The following KIF1B variants were observed in gnomAD, a reference collection of about 807,000 sequenced individuals.
KIF1B encodes the protein kinesin family member 1B, also known as kinesin-like protein KIF1B.
A neutral mutation model predicts 241.9 loss-of-function variants in KIF1B; 76 were observed. That is an observed-to-expected ratio of 0.31 (90% CI 0.26 to 0.38). The LOEUF (loss-of-function observed/expected upper bound fraction) is 0.38, where lower values mean the gene tolerates loss of function less well. KIF1B is among the 10% of genes least tolerant of loss of function. The pLI, the probability that KIF1B is intolerant of heterozygous loss-of-function variation, is 1.00. For missense variants in KIF1B, 1,622 were observed against 2,271.4 expected, an observed-to-expected ratio of 0.71 and a Z score of 5.81; for synonymous variants, 750 against 796.7, an observed-to-expected ratio of 0.94 and a Z score of 0.99.
intron 27 of KIF1B, among the ~76,000 whole-genome samples, chr1:10,328,641 A>G (rs768428213): frequency 2.1e-4 from 32 of 152,358 alleles, no homozygotes; most frequent in Non-Finnish European, 1.0e-4. Flanking sequence ...TTCTGGCCAT[A>G]AACTTTGTCC....
At chr1:10,264,159 A>G (rs1265299703) in intron 5 of KIF1B, among the ~76,000 whole-genome samples, 1 of 152,066 alleles carries the variant, frequency 6.6e-6, no homozygotes, top group African/African-American at 2.4e-5. Context: ...CATCATACTC[A>G]TCATGTTCTA....
intron 2 of KIF1B, among the ~76,000 whole-genome samples, chr1:10,250,091 A>C (rs1438661753): frequency 6.6e-6 from 1 of 152,168 alleles, no homozygotes; most frequent in African/African-American, 2.4e-5. Flanking sequence ...GATTACAGGC[A>C]TGAGCCACTG....
chr1:10,320,082 G>A lies in KIF1B; in HGVS notation c.2155G>A (p.Glu719Lys). 1.2e-6 allele frequency: 2 copies of A among 1,613,892 alleles called. No homozygotes were observed. Among genetic ancestry groups the A allele is most frequent in the Non-Finnish European group, 1.7e-6 (2 of 1,179,862 alleles). ...SKLQALQKQV[E>K]TRSLAAETTE... ...ATTGCAGGCCTTGCAGAAGCAGGTT[G>A]AAACCCGATCTCTGGCTGCAGAAAC... Residue 719 changes from glutamate (E) to lysine (K), a missense_variant, in exon 23 of 49, where the codon GAA becomes AAA. By Grantham distance (56) the Glu-to-Lys change is moderately conservative (BLOSUM62 1). Around this residue, in one of 7 missense-constraint regions of KIF1B, gnomAD observed 803 missense variants for 1,112.0 expected, o/e 0.72. Coordinates refer to ENST00000676179, the MANE Select transcript of KIF1B (RefSeq NM_001365951.3).
chr1:10,296,863 T>A lies in KIF1B; in HGVS notation c.1862-34T>A, dbSNP rs112743061. ...AATAGATACTATATATTAAAAAAAT[T>A]ATTTCTTAACCCTATTTTTCTGTTT... On this transcript the variant is annotated intron_variant, in intron 20 of 48. Coordinates refer to ENST00000676179, the MANE Select transcript of KIF1B (RefSeq NM_001365951.3). 1.1e-5 allele frequency: 18 copies of A among 1,591,090 alleles called. No homozygotes were observed. In the East Asian group the frequency reaches 3.8e-4, roughly 34 times the overall value.
Position 10,303,249 on chromosome 1 carries a change from A to G in KIF1B, c.2115+6003A>G. On this transcript the variant is annotated intron_variant, in intron 22 of 48. Transcript: ENST00000676179. This position sits in a 1 kb window ranked among gnomAD's most constrained non-coding sequence, Gnocchi z 5.2. ...TGATTACTTCTCTGAGAGAAAAGCTACCTCCCAGCAAGTTGCAAACCATTG... is the reference window on the plus strand; with the variant it reads ...TGATTACTTCTCTGAGAGAAAAGCTGCCTCCCAGCAAGTTGCAAACCATTG... 1 of 1,614,084 alleles carries G rather than the reference A, an allele frequency of 6.2e-7. No individual in the cohort carries two copies. The highest frequency in any genetic ancestry group is 1.1e-5 in the South Asian group (1 of 91,084).
intron 1 of KIF1B, among the ~76,000 whole-genome samples, chr1:10,230,097 C>T (rs891877103): frequency 1.5e-4 from 23 of 152,082 alleles, no homozygotes; most frequent in African/African-American, 5.3e-4. Context: ...ATCACTTGAG[C>T]CCAGGAGTTC....
At chr1:10,344,756 A>G (rs2102325498) in intron 34 of KIF1B, 1 of 152,344 alleles carries the variant, frequency 6.6e-6, no homozygotes, top group African/African-American at 2.4e-5. Context: ...TCCTTTATGT[A>G]CATTATGTTA....
In KIF1B at chr1:10,276,395, C is replaced by T. The variant is rs1345954813; in HGVS notation, c.1033C>T (p.Leu345=). ...CAACTACGATGAGACTTTGAGCACT[C>T]TGAGGTACTTTCTTTTGATCTCAGT... ...DINYDETLST[L]RYADRAKQIK... Residue 345 remains leucine (L), a synonymous_variant, in exon 12 of 49, where the codon CTG becomes TTG. Coordinates refer to ENST00000676179, the MANE Select transcript of KIF1B (RefSeq NM_001365951.3). 3 of 1,612,142 alleles carry T rather than the reference C, an allele frequency of 1.9e-6. No individual in the cohort carries two copies. In the African/African-American group the frequency reaches 4.0e-5, roughly 22 times the overall value.
chr1:10,374,795 C>T lies in KIF1B; in HGVS notation c.5097-59C>T, dbSNP rs1007315181. On this transcript the variant is annotated intron_variant, in intron 46 of 48. Transcript: ENST00000676179. The surrounding 1 kb of genome is among the most constrained non-coding windows in gnomAD (Gnocchi z 4.3). Reference sequence around the variant, plus strand: ...CTAAGTGTGGCGTATTTTGATGGTCCTCAGCACGATTATTTTCTTTTTGTG... The same window carrying T: ...CTAAGTGTGGCGTATTTTGATGGTCTTCAGCACGATTATTTTCTTTTTGTG... 2.4e-5 allele frequency: 36 copies of T among 1,528,766 alleles called. 1 individual carries two copies. The highest frequency in any genetic ancestry group is 1.9e-4 in the South Asian group (17 of 88,638). 94.7% of individuals were successfully genotyped at this position (1,528,766 alleles called of 1,614,324 possible).
At chr1:10,336,863 T>C (rs1652199590) in intron 29 of KIF1B, 121 bp downstream of exon 29, 6 of 1,096,462 alleles carry the variant, frequency 5.5e-6, no homozygotes, top group Non-Finnish European at 8.3e-6. Flanking sequence ...AGTAGTTCAA[T>C]AGAATATGGG....
At chr1:10,224,752 T>A (rs1646889331) in intron 1 of KIF1B, among the ~76,000 whole-genome samples, 1 of 152,162 alleles carries the variant, frequency 6.6e-6, no homozygotes, top group South Asian at 2.1e-4. Context: ...TTAATGCTGT[T>A]TAAATGTTAG....
chr1:10,329,983 C>T (rs1191958236), intron 27 of KIF1B, among the ~76,000 whole-genome samples: 1 of 152,184 alleles, frequency 6.6e-6, no homozygotes, highest in Non-Finnish European at 1.5e-5. Flanking sequence ...AGTACCTTAA[C>T]TGACATTCTT....
intron 14 of KIF1B, among the ~76,000 whole-genome samples, chr1:10,279,359 T>C (rs1649287848): frequency 6.6e-6 from 1 of 152,216 alleles, no homozygotes; most frequent in African/African-American, 2.4e-5. Flanking sequence ...TTGAAAGGCT[T>C]AAGAATCTCT....
chr1:10,292,332 C>G, intron 17 of KIF1B: 1 of 541,686 alleles, frequency 1.8e-6, no homozygotes. Context: ...TTACTGTTTA[C>G]AAAAGAAAAA....
chr1:10,332,103 C>T (rs1034116848), intron 27 of KIF1B, among the ~76,000 whole-genome samples: 1 of 151,972 alleles, frequency 6.6e-6, no homozygotes, highest in Admixed American at 6.6e-5. Flanking sequence ...TTGCTCTTGT[C>T]CCCCAGGCTG....
rs1557749542 is a variant in KIF1B at position 10,378,856 on chromosome 1, G to A, written c.*2269G>A. The A allele has an allele frequency of 1.3e-5, 3 of 237,954 alleles. No individual in the cohort carries two copies. The highest frequency in any genetic ancestry group is 6.0e-5 in the East Asian group (1 of 16,704). The allele number at this position is 237,954 out of a possible 1,614,324, so 14.7% of individuals were successfully genotyped here. On this transcript the variant is annotated 3_prime_UTR_variant, in exon 49 of 49. Transcript: ENST00000676179. ...TGCGTCTGCACCTGAAAAGTGACCC[G>A]CGGAAACTCTATGGCGGATTTTTTT... is the stretch of plus-strand genomic sequence containing the variant.
At chr1:10,247,909 A>G (rs1298715956) in intron 2 of KIF1B, among the ~76,000 whole-genome samples, 1 of 152,102 alleles carries the variant, frequency 6.6e-6, no homozygotes, top group Non-Finnish European at 1.5e-5. Flanking sequence ...AGATTCTCAT[A>G]AGGAGCGGGC....
chr1:10,259,001 A>T (rs1383451144), intron 4 of KIF1B, among the ~76,000 whole-genome samples: 1 of 152,092 alleles, frequency 6.6e-6, no homozygotes, highest in Non-Finnish European at 1.5e-5. Context: ...GATATTGTTG[A>T]TCTGATTTTT....
rs554386540 is a variant in KIF1B, at chr1:10,219,531, C to T, written c.-80+8653C>T. On this transcript the variant is annotated intron_variant, in intron 1 of 48. Coordinates refer to ENST00000676179, the MANE Select transcript of KIF1B (RefSeq NM_001365951.3). ...CAGCACTTCGGGAGGCCGAGGCAGG[C>T]GGATCACCTGAGGTCGGGAGTTTGA... 4.4e-3 allele frequency among the ~76,000 whole-genome samples: 649 copies of T among 148,614 alleles called. 1 individual carries two copies. Among genetic ancestry groups the T allele is most frequent in the Non-Finnish European group, 7.2e-3 (481 of 67,240 alleles).
Sources: allele counts gnomAD v4.1 joint callset (sites outside exome capture counted in the v4.1 genomes callset), GRCh38; gene constraint gnomAD v4.1.1; regional missense constraint gnomAD v4.1.1; non-coding constraint Gnocchi (gnomAD v3.1); transcripts MANE v1.5; gene names NCBI Gene and HGNC (gene_info 2026-07-23, HGNC 2026-07-21).